DCC: variants seen among roughly 807,000 people sequenced by gnomAD.
DCC encodes the protein DCC netrin 1 receptor.
In DCC, 58 loss-of-function variants were observed where a neutral mutation model predicts 172.5. The ratio of observed to expected loss-of-function variants is 0.34; its 90% CI spans 0.27 to 0.42. The LOEUF (loss-of-function observed/expected upper bound fraction) is 0.42. Ranked by LOEUF, DCC falls within the 10% of genes least tolerant of loss-of-function variation. The pLI, the probability that DCC is intolerant of heterozygous loss-of-function variation, is 1.00. For synonymous variants in DCC, 709 were observed against 644.5 expected (o/e 1.10, Z -1.52); for missense variants, 1,740 against 1,791.0 (o/e 0.97, Z 0.51).
chr18:52,616,663 T>A (rs1380201838), intron 1 of DCC, among the ~76,000 whole-genome samples: 1 of 152,110 alleles, frequency 6.6e-6, no homozygotes, highest in East Asian at 1.9e-4. Flanking sequence ...AGCTCATCCC[T>A]GAAGGAGTTT....
chr18:52,358,371 C>A (rs1847413344), intron 1 of DCC, among the ~76,000 whole-genome samples: 1 of 152,136 alleles, frequency 6.6e-6, no homozygotes, highest in African/African-American at 2.4e-5. Context: ...GGGTTTAGAT[C>A]CCAGGCCTAC....
At chr18:53,203,956 G>C (rs115750089) in intron 9 of DCC, among the ~76,000 whole-genome samples, 4,743 of 152,228 alleles carry the variant, frequency 0.031, 263 homozygotes, top group African/African-American at 0.11. Flanking sequence ...GAATCAAAAT[G>C]GAAGCTTTTT....
At chr18:53,311,654 A>T (rs1313733219) in intron 13 of DCC, among the ~76,000 whole-genome samples, 2 of 152,234 alleles carry the variant, frequency 1.3e-5, no homozygotes, top group African/African-American at 4.8e-5. Context: ...TAACATTTAC[A>T]ACAATAATAC....
intron 9 of DCC, among the ~76,000 whole-genome samples, chr18:53,194,590 C>G (rs1237357645): frequency 2.6e-5 from 4 of 152,150 alleles, no homozygotes; most frequent in African/African-American, 9.7e-5. Flanking sequence ...CTGCCTCAGC[C>G]TCCCAAGTAG....
intron 12 of DCC, among the ~76,000 whole-genome samples, chr18:53,227,767 C>CT (rs890488666): frequency 1.2e-4 from 19 of 152,014 alleles, no homozygotes; most frequent in African/African-American, 3.9e-4. Context: ...ATTTCACTTT[C>CT]TTTTTTTTGT....
intron 1 of DCC, among the ~76,000 whole-genome samples, chr18:52,407,614 A>G (rs972730057): frequency 2.0e-5 from 3 of 152,052 alleles, no homozygotes; most frequent in Non-Finnish European, 4.4e-5. Flanking sequence ...TCTTTGGGAT[A>G]GAAACTCCTT....
intron 5 of DCC, among the ~76,000 whole-genome samples, chr18:53,048,461 A>C (rs1429282211): frequency 2.1e-5 from 3 of 143,066 alleles, no homozygotes; most frequent in Non-Finnish European, 3.0e-5. Flanking sequence ...TGATCTCATT[A>C]TTTTATGGCT....
intron 2 of DCC, among the ~76,000 whole-genome samples, chr18:52,868,718 A>T (rs931923492): frequency 6.6e-6 from 1 of 152,206 alleles, no homozygotes; most frequent in African/African-American, 2.4e-5. Context: ...CATTCTGCCC[A>T]TTCAGCCTGG....
chr18:53,043,348 G>A (rs1461101129), intron 5 of DCC, among the ~76,000 whole-genome samples: 1 of 151,830 alleles, frequency 6.6e-6, no homozygotes, highest in Non-Finnish European at 1.5e-5. Flanking sequence ...AACATTAGGA[G>A]AAATACCTAA....
intron 1 of DCC, among the ~76,000 whole-genome samples, chr18:52,455,307 C>A (rs572581610): frequency 5.9e-5 from 9 of 152,232 alleles, no homozygotes; most frequent in East Asian, 5.8e-4. Context: ...CTCTTTGCTG[C>A]AAGTCTTTTA....
At chr18:52,408,286 T>C (rs1322082624) in intron 1 of DCC, among the ~76,000 whole-genome samples, 3 of 150,408 alleles carry the variant, frequency 2.0e-5, no homozygotes, top group Admixed American at 6.7e-5. Context: ...CAGTTTTTTA[T>C]ATAAAATGTA....
intron 23 of DCC, among the ~76,000 whole-genome samples, chr18:53,457,615 T>G (rs2045499680): frequency 6.6e-6 from 1 of 152,192 alleles, no homozygotes; most frequent in South Asian, 2.1e-4. Flanking sequence ...AGGAGTAGAT[T>G]ACACAGGGAG....
chr18:52,975,991 C>T (rs1475259833), intron 5 of DCC, among the ~76,000 whole-genome samples: 2 of 152,140 alleles, frequency 1.3e-5, no homozygotes, highest in African/African-American at 2.4e-5. Flanking sequence ...TGTAAACATT[C>T]CTTTTTCTCT....
intron 1 of DCC, among the ~76,000 whole-genome samples, chr18:52,554,358 A>G (rs2032854074): frequency 6.6e-6 from 1 of 152,132 alleles, no homozygotes; most frequent in Admixed American, 6.6e-5. Context: ...CTCATAGATG[A>G]CATAAAGTTG....
At chr18:53,142,242 T>C (rs1352342839) in intron 7 of DCC, among the ~76,000 whole-genome samples, 1 of 152,230 alleles carries the variant, frequency 6.6e-6, no homozygotes, top group Non-Finnish European at 1.5e-5. Flanking sequence ...ATAAATGCTC[T>C]GGTGGATGAC....
intron 2 of DCC, among the ~76,000 whole-genome samples, chr18:52,894,431 A>G (rs1237767933): frequency 6.6e-6 from 1 of 151,050 alleles, no homozygotes; most frequent in African/African-American, 2.4e-5. Context: ...GCATACACAC[A>G]ATATAAGTAT....
At chr18:52,503,911 C>T (rs1162693826) in intron 1 of DCC, among the ~76,000 whole-genome samples, 1 of 152,106 alleles carries the variant, frequency 6.6e-6, no homozygotes, top group African/African-American at 2.4e-5. Flanking sequence ...CTCTACTGCA[C>T]CCTTCTCTGC....
intron 3 of DCC, among the ~76,000 whole-genome samples, chr18:52,908,132 T>C (rs113164815): frequency 0.011 from 1,698 of 152,330 alleles, 21 homozygotes; most frequent in African/African-American, 0.037. Flanking sequence ...CTCTGCGCTC[T>C]TAACTGTGTA....
At chr18:53,060,704 A>G (rs1433345645) in intron 5 of DCC, among the ~76,000 whole-genome samples, 1 of 152,156 alleles carries the variant, frequency 6.6e-6, no homozygotes, top group Non-Finnish European at 1.5e-5. Context: ...GGTTTTAGGG[A>G]TTCACTACGT....
Sources: gnomAD v4.1 joint callset for allele counts (sites outside exome capture counted in the v4.1 genomes callset) on GRCh38, gnomAD v4.1.1 for gene constraint, MANE v1.5 for transcripts, NCBI Gene and HGNC (gene_info 2026-07-23, HGNC 2026-07-21) for gene names.